The following FAM13A variants were observed in gnomAD, a reference collection of about 807,000 sequenced individuals.
FAM13A encodes protein FAM13A.
A neutral mutation model predicts 129.6 loss-of-function variants in FAM13A; 76 were observed. The ratio of observed to expected loss-of-function variants is 0.59; its 90% CI spans 0.49 to 0.71. The LOEUF (loss-of-function observed/expected upper bound fraction) is 0.71, where lower values mean the gene tolerates loss of function less well. Ranked by LOEUF, FAM13A falls within the 30% of genes least tolerant of loss-of-function variation. The probability of loss-of-function intolerance (pLI) is 0.00; values close to 1 mark genes in which losing one functional copy is unlikely to be tolerated. For missense variants in FAM13A, 1,108 were observed against 1,249.3 expected, an observed-to-expected ratio of 0.89 and a Z score of 1.70; for synonymous variants, 443 against 449.9, an observed-to-expected ratio of 0.98 and a Z score of 0.20.
intron 7 of FAM13A, among the ~76,000 whole-genome samples, chr4:88,824,004 TA>T (rs1486196278): frequency 1.3e-5 from 2 of 152,224 alleles, no homozygotes; most frequent in African/African-American, 4.8e-5. Flanking sequence ...TTTTTATTTT[TA>T]TTTTTTTTTA....
At chr4:88,977,105 T>C (rs949831352) in intron 4 of FAM13A, among the ~76,000 whole-genome samples, 3 of 152,256 alleles carry the variant, frequency 2.0e-5, no homozygotes, top group Middle Eastern at 3.4e-3. Context: ...TATAATAAAG[T>C]TGAATTTATA....
intron 6 of FAM13A, among the ~76,000 whole-genome samples, chr4:88,887,833 C>T (rs1744708439): frequency 6.6e-6 from 1 of 151,994 alleles, no homozygotes; most frequent in Non-Finnish European, 1.5e-5. Flanking sequence ...GTGCCTGGTC[C>T]ATATGTGCCT....
intron 3 of FAM13A, among the ~76,000 whole-genome samples, chr4:89,019,470 C>T (rs965393177): frequency 1.3e-5 from 2 of 152,004 alleles, no homozygotes; most frequent in Admixed American, 6.5e-5. Context: ...ACTTAAAAAG[C>T]GAGTTCCTGG....
chr4:88,863,204 G>A (rs1475871653), intron 6 of FAM13A, among the ~76,000 whole-genome samples: 2 of 152,140 alleles, frequency 1.3e-5, no homozygotes, highest in African/African-American at 4.8e-5. Flanking sequence ...AGCCTCTAGA[G>A]AGGGGAAAGG....
At chr4:88,978,721 G>A (rs1260522286) in intron 4 of FAM13A, among the ~76,000 whole-genome samples, 1 of 152,140 alleles carries the variant, frequency 6.6e-6, no homozygotes, top group Non-Finnish European at 1.5e-5. Flanking sequence ...GTAAACCTGG[G>A]AGGCGGAGCT....
At chr4:88,891,798 C>G (rs1561265664) in intron 6 of FAM13A, among the ~76,000 whole-genome samples, 1 of 152,172 alleles carries the variant, frequency 6.6e-6, no homozygotes, top group Non-Finnish European at 1.5e-5. Flanking sequence ...TATGAGAGAG[C>G]CTCCTTAAGG....
chr4:88,742,802 T>C (rs1009160137), intron 19 of FAM13A, among the ~76,000 whole-genome samples: 5 of 152,190 alleles, frequency 3.3e-5, no homozygotes, highest in Middle Eastern at 3.2e-3. Context: ...TGCTGCCCAC[T>C]AAGAATAGGG....
At chr4:88,801,932 A>G (rs994609494) in intron 8 of FAM13A, among the ~76,000 whole-genome samples, 1 of 152,020 alleles carries the variant, frequency 6.6e-6, no homozygotes, top group African/African-American at 2.4e-5. Context: ...GCTTGCAGAC[A>G]CTGAAAACTC....
intron 7 of FAM13A, among the ~76,000 whole-genome samples, chr4:88,849,414 C>T (rs965150029): frequency 6.6e-6 from 1 of 152,118 alleles, no homozygotes; most frequent in African/African-American, 2.4e-5. Context: ...CTTCGTATTA[C>T]CTCTGGGATA....
intron 14 of FAM13A, among the ~76,000 whole-genome samples, chr4:88,757,790 A>T (rs1368460416): frequency 6.6e-6 from 1 of 152,114 alleles, no homozygotes; most frequent in Admixed American, 6.5e-5. Context: ...TTGATCCTTC[A>T]TCTAAGGTCA....
intron 1 of FAM13A, among the ~76,000 whole-genome samples, chr4:89,033,768 T>C (rs556646069): frequency 1.2e-3 from 189 of 152,268 alleles, no homozygotes; most frequent in African/African-American, 4.0e-3. Flanking sequence ...AAGGGACTGA[T>C]TGTATCACAG....
intron 4 of FAM13A, among the ~76,000 whole-genome samples, chr4:88,966,902 T>C (rs1209900083): frequency 6.6e-6 from 1 of 152,232 alleles, no homozygotes; most frequent in Non-Finnish European, 1.5e-5. Flanking sequence ...TTGAACTTGA[T>C]ACCTGGTCTC....
chr4:88,742,485 AAT>A (rs1433482736), intron 19 of FAM13A, among the ~76,000 whole-genome samples: 2 of 152,322 alleles, frequency 1.3e-5, no homozygotes, highest in East Asian at 3.9e-4. Context: ...AAGCACCAAA[AAT>A]ATCAAAGATC....
chr4:88,731,986 CA>C lies in FAM13A; in HGVS notation c.2843+15del, dbSNP rs774448818. Reference sequence around the variant, plus strand: ...TTTTACCAAAACATTTCACCACCACCACCAAAATGACATACATTGAGGCAGC... The same window carrying C: ...TTTTACCAAAACATTTCACCACCACCCCAAAATGACATACATTGAGGCAGC... On this transcript the variant is annotated intron_variant, in intron 22 of 23. Coordinates refer to ENST00000264344, the MANE Select transcript of FAM13A (RefSeq NM_014883.4). The C allele has an allele frequency of 6.3e-7, 1 of 1,580,602 alleles. No homozygotes were observed. The highest frequency in any genetic ancestry group is 8.6e-7 in the Non-Finnish European group (1 of 1,162,094).
chr4:88,894,959 A>T (rs906858677), intron 6 of FAM13A, among the ~76,000 whole-genome samples: 1 of 152,216 alleles, frequency 6.6e-6, no homozygotes, highest in East Asian at 1.9e-4. Context: ...AAATAATACT[A>T]TTCCATATTC....
chr4:89,002,709 AC>A (rs2149058534), intron 3 of FAM13A, among the ~76,000 whole-genome samples: 2 of 152,316 alleles, frequency 1.3e-5, no homozygotes, highest in South Asian at 4.1e-4. Context: ...GCTAAGAATC[AC>A]TTTATGTTTG....
At chr4:88,893,690 C>A (rs868258655) in intron 6 of FAM13A, among the ~76,000 whole-genome samples, 1 of 150,344 alleles carries the variant, frequency 6.7e-6, no homozygotes, top group Non-Finnish European at 1.5e-5. Flanking sequence ...TGGTGGCGGG[C>A]GCCTGTAGTC....
chr4:88,964,600 G>T (rs1759094221), intron 4 of FAM13A, among the ~76,000 whole-genome samples: 1 of 149,552 alleles, frequency 6.7e-6, no homozygotes, highest in Admixed American at 6.7e-5. Flanking sequence ...AAACTAACAT[G>T]TAATGAATCA....
At chr4:88,939,668 T>C (rs7660385) in intron 4 of FAM13A, among the ~76,000 whole-genome samples, 44,865 of 152,016 alleles carry the variant, frequency 0.3, 7,102 homozygotes, top group African/African-American at 0.41. Flanking sequence ...TTGGCAAAGG[T>C]GATAGGATGT....
Sources: gnomAD v4.1 joint callset for allele counts (sites outside exome capture counted in the v4.1 genomes callset) on GRCh38, gnomAD v4.1.1 for gene constraint, MANE v1.5 for transcripts, NCBI Gene and HGNC (gene_info 2026-07-23, HGNC 2026-07-21) for gene names.